KCNIP2: variants seen among roughly 807,000 people sequenced by gnomAD.
The protein encoded by KCNIP2 is potassium voltage-gated channel interacting protein 2.
Under a neutral mutation model 39.0 loss-of-function variants are expected in KCNIP2, and 19 were observed. The ratio of observed to expected loss-of-function variants is 0.49; its 90% CI spans 0.34 to 0.71. KCNIP2 has a LOEUF of 0.71. KCNIP2 is among the 30% of genes least tolerant of loss of function. The probability of loss-of-function intolerance (pLI) is 0.01; values close to 1 mark genes in which losing one functional copy is unlikely to be tolerated. For synonymous variants in KCNIP2, 111 were observed against 131.2 expected, an observed-to-expected ratio of 0.85 and a Z score of 1.05; for missense variants, 261 against 346.0, an observed-to-expected ratio of 0.75 and a Z score of 1.95.
chr10:101,829,056 G>A lies in KCNIP2; in HGVS notation c.348+19C>T, dbSNP rs753906053. 21 of 1,610,188 alleles carry A rather than the reference G, an allele frequency of 1.3e-5. No homozygotes were observed. The Middle Eastern group carries it at 1.3e-3, about 101-fold the overall frequency. ...CTCCTGTCCCACCCTCGCTGAGTTT[G>A]GCCTCGCCTTGCACTCACGTTCTTG... On this transcript the variant is annotated intron_variant, in intron 4 of 9. Transcript: ENST00000356640.
chr10:101,842,923 C>T (rs1199674921), intron 1 of KCNIP2, among the ~76,000 whole-genome samples: 1 of 152,202 alleles, frequency 6.6e-6, no homozygotes, highest in Admixed American at 6.5e-5. Flanking sequence ...GTCATGAAGG[C>T]TTACAAAGAG....
chr10:101,830,934 C>G, intron 2 of KCNIP2, 138 bp downstream of exon 2: 1 of 812,004 alleles, frequency 1.2e-6, no homozygotes. Flanking sequence ...ACACGCAGGC[C>G]TGGGGCACGC....
At position 101,827,703 on chromosome 10, in the gene KCNIP2, C is replaced by T. The variant is rs2065790163; in HGVS notation, c.751G>A (p.Glu251Lys). 4 of 1,614,084 alleles carry T rather than the reference C, an allele frequency of 2.5e-6. No individual in the cohort carries two copies. The highest frequency in any genetic ancestry group is 3.4e-6 in the Non-Finnish European group (4 of 1,179,942). ...DGVVTIEEFIESCQKDENIMR... is the reference protein window; with the variant it reads ...DGVVTIEEFIKSCQKDENIMR... The stretch of plus-strand genomic sequence containing the variant: ...GGGAGCTGTACCTTTTGACAAGACT[C>T]AATGAATTCCTCAATGGTCACCACA... Residue 251 changes from glutamate to lysine, a missense_variant, in exon 9 of 10, where the codon GAG (glutamate) becomes AAG (lysine). By Grantham distance (56) the Glu-to-Lys change is moderately conservative. Transcript: ENST00000356640.
rs1049397093 is a variant in KCNIP2, at chr10:101,843,029, A to G, written c.73+467T>C. 6.6e-6 allele frequency among the ~76,000 whole-genome samples: 1 copy of G among 152,194 alleles called. No homozygotes were observed. Among genetic ancestry groups the G allele is most frequent in the Non-Finnish European group, 1.5e-5 (1 of 68,040 alleles). On this transcript the variant is annotated intron_variant, in intron 1 of 9. Coordinates refer to ENST00000356640, the MANE Select transcript of KCNIP2 (RefSeq NM_173191.3). This position sits in a 1 kb window ranked among gnomAD's most constrained non-coding sequence, Gnocchi z 6.7. Reference sequence around the variant, plus strand: ...TCACAACACATCGTTGCACATAGAGACACATGGTCAAAACAACTTCATCAG... The same window carrying G: ...TCACAACACATCGTTGCACATAGAGGCACATGGTCAAAACAACTTCATCAG...
At chr10:101,830,006 C>A in intron 2 of KCNIP2, 109 bp from the exon 3 acceptor site, 1 of 1,262,322 alleles carries the variant, frequency 7.9e-7, no homozygotes, top group African/African-American at 1.5e-5. Flanking sequence ...CGTGCAAAGG[C>A]ACACCCAACC....
intron 3 of KCNIP2, 25 bp downstream of exon 3, chr10:101,829,819 C>T: frequency 1.2e-5 from 17 of 1,414,276 alleles, no homozygotes; most frequent in Non-Finnish European, 1.6e-5. Flanking sequence ...TGCCCCGCCC[C>T]GCCCCCACCA....
Position 101,827,333 on chromosome 10 carries a change from C to A in KCNIP2, c.*20G>T. The A allele has an allele frequency of 6.3e-7, 1 of 1,593,006 alleles. No homozygotes were observed. The highest frequency in any genetic ancestry group is 8.6e-7 in the Non-Finnish European group (1 of 1,166,112). On this transcript the variant is annotated 3_prime_UTR_variant, in exon 10 of 10. Transcript: ENST00000356640. ...TAGAGCATGGTCCCCCCAGGAAACA[C>A]TGACCCCCTCTCCTGGGGGCTAGAT...
chr10:101,839,728 C>T (rs1437363868), intron 1 of KCNIP2: 6 of 1,606,480 alleles, frequency 3.7e-6, no homozygotes, highest in Non-Finnish European at 4.3e-6. Flanking sequence ...AGGATCCTGC[C>T]CCTCCCTTCC....
chr10:101,841,473 T>C (rs2066338432), intron 1 of KCNIP2, among the ~76,000 whole-genome samples: 1 of 152,198 alleles, frequency 6.6e-6, no homozygotes, highest in South Asian at 2.1e-4. Flanking sequence ...TAAGCCGCCC[T>C]TCGAGAGGAG....
At chr10:101,834,181 T>G in intron 1 of KCNIP2, 1 of 398,352 alleles carries the variant, frequency 2.5e-6, no homozygotes, top group Non-Finnish European at 4.4e-6. Context: ...GCCCCAGTCA[T>G]GAAGACAGAC....
At chr10:101,839,023 C>T (rs1375300546) in intron 1 of KCNIP2, among the ~76,000 whole-genome samples, 5 of 152,302 alleles carry the variant, frequency 3.3e-5, no homozygotes, top group South Asian at 2.1e-4. Flanking sequence ...TACAACCTCA[C>T]GAAGGCTACA....
chr10:101,832,635 G>C (rs1282824043), intron 1 of KCNIP2, among the ~76,000 whole-genome samples: 1 of 152,116 alleles, frequency 6.6e-6, no homozygotes, highest in Non-Finnish European at 1.5e-5. Flanking sequence ...GCCAGGCAGG[G>C]GGATCGATGG....
At chr10:101,841,097 T>C (rs1228439336) in intron 1 of KCNIP2, among the ~76,000 whole-genome samples, 5 of 152,084 alleles carry the variant, frequency 3.3e-5, no homozygotes, top group Admixed American at 1.3e-4. Context: ...CTCGGACTGT[T>C]TTTTGTTTTG....
chr10:101,840,787 C>T (rs940435520), intron 1 of KCNIP2, among the ~76,000 whole-genome samples: 1 of 152,170 alleles, frequency 6.6e-6, no homozygotes, highest in Non-Finnish European at 1.5e-5. Flanking sequence ...GTCCACTTGA[C>T]GGCGACTATC....
rs1260017510 is a variant in KCNIP2, at chr10:101,827,369, A to G, written c.797T>C (p.Phe266Ser). The G allele has an allele frequency of 1.5e-5, 24 of 1,604,232 alleles. No homozygotes were observed. The highest frequency in any genetic ancestry group is 1.9e-5 in the Non-Finnish European group (22 of 1,172,236). ...DENIMRSMQL[F>S]DNVI ...TCCTGGGGGCTAGATGACATTGTCA[A>G]AGAGCTGCATGGACCTCATGATGTT... is the stretch of plus-strand genomic sequence containing the variant. The change falls in exon 10 of 10, where the codon TTT becomes TCT. Residue 266 changes from phenylalanine to serine, a missense_variant. By Grantham distance (155) the Phe-to-Ser change is radical (BLOSUM62 -2). Transcript: ENST00000356640.
intron 1 of KCNIP2, among the ~76,000 whole-genome samples, chr10:101,833,922 T>G (rs535084426): frequency 7.2e-5 from 11 of 151,928 alleles, no homozygotes; most frequent in Admixed American, 1.3e-4. Context: ...TCCTCTACTC[T>G]AGACACTCCT....
chr10:101,830,769 T>C (rs1431104204), intron 2 of KCNIP2, among the ~76,000 whole-genome samples: 8 of 120,058 alleles, frequency 6.7e-5, no homozygotes, highest in African/African-American at 1.3e-4. Flanking sequence ...CGCCTCCCCA[T>C]ACACACACAC....
chr10:101,831,805 T>C (rs899896043), intron 1 of KCNIP2, among the ~76,000 whole-genome samples: 1 of 152,194 alleles, frequency 6.6e-6, no homozygotes, highest in Non-Finnish European at 1.5e-5. Flanking sequence ...TGGGACATCA[T>C]GACATGTGAG....
At position 101,827,676 on chromosome 10, in the gene KCNIP2, C is replaced by T; in HGVS notation, c.765+13G>A. 1.9e-6 allele frequency: 3 copies of T among 1,613,898 alleles called. No homozygotes were observed. The South Asian group carries it at 3.3e-5, about 18-fold the overall frequency. The stretch of plus-strand genomic sequence containing the variant: ...GTCCAGGTCAGGGTAATGTAGAGGG[C>T]AGGGAGCTGTACCTTTTGACAAGAC... On this transcript the variant is annotated intron_variant, in intron 9 of 9. Transcript: ENST00000356640.
Sources: allele counts gnomAD v4.1 joint callset (sites outside exome capture counted in the v4.1 genomes callset), GRCh38; gene constraint gnomAD v4.1.1; non-coding constraint Gnocchi (gnomAD v3.1); transcripts MANE v1.5; gene names NCBI Gene and HGNC (gene_info 2026-07-23, HGNC 2026-07-21).